EPB41: variants seen among roughly 807,000 people sequenced by gnomAD.
The protein encoded by EPB41 is erythrocyte membrane protein band 4.1, also known as protein 4.1.
Under a neutral mutation model 108.0 loss-of-function variants are expected in EPB41, and 65 were observed. The observed-to-expected ratio is 0.60, with a 90% confidence interval of 0.49 to 0.74. The LOEUF (loss-of-function observed/expected upper bound fraction) is 0.74. Ranked by LOEUF, EPB41 falls within the 30% of genes least tolerant of loss-of-function variation. EPB41 has a pLI of 0.00. For missense variants in EPB41, 875 were observed against 1,037.0 expected (o/e 0.84, Z 2.15); for synonymous variants, 336 against 358.9 (o/e 0.94, Z 0.72).
At chr1:29,060,395 C>T in intron 14 of EPB41, 27 bp from the exon 15 acceptor site, 1 of 1,606,594 alleles carries the variant, frequency 6.2e-7, no homozygotes, top group Non-Finnish European at 8.5e-7. Context: ...TTATGCTTTT[C>T]TGTTTTCCCC....
intron 12 of EPB41, among the ~76,000 whole-genome samples, chr1:29,056,783 C>T (rs554829118): frequency 2.6e-5 from 4 of 151,634 alleles, no homozygotes; most frequent in Admixed American, 2.6e-4. Flanking sequence ...ACCTCGGCCT[C>T]CCAAAGTGCT....
At chr1:28,968,186 GTC>G (rs1236114234) in intron 1 of EPB41, among the ~76,000 whole-genome samples, 1 of 151,826 alleles carries the variant, frequency 6.6e-6, no homozygotes, top group Non-Finnish European at 1.5e-5. Context: ...GTGAAACCCT[GTC>G]TCTACTAAAA....
At chr1:29,065,272 C>T (rs1252653862) in intron 16 of EPB41, 114 bp downstream of exon 16, 1 of 1,415,652 alleles carries the variant, frequency 7.1e-7, no homozygotes, top group African/African-American at 1.4e-5. Flanking sequence ...TTTGGTGCCT[C>T]ACTATATTCA....
chr1:29,038,696 T>C (rs1640399724), intron 10 of EPB41, among the ~76,000 whole-genome samples: 1 of 152,206 alleles, frequency 6.6e-6, no homozygotes, highest in South Asian at 2.1e-4. Flanking sequence ...ATAGATTGTT[T>C]TAATTCAGTA....
At chr1:28,972,745 T>C (rs1049452067) in intron 1 of EPB41, among the ~76,000 whole-genome samples, 2 of 149,222 alleles carry the variant, frequency 1.3e-5, no homozygotes, top group Non-Finnish European at 2.9e-5. Context: ...GACTACAGGC[T>C]CATGAAACTA....
chr1:29,081,213 A>T (rs1027913094), intron 16 of EPB41, among the ~76,000 whole-genome samples: 3 of 152,210 alleles, frequency 2.0e-5, no homozygotes, highest in African/African-American at 7.2e-5. Flanking sequence ...TTTAAAAATA[A>T]TTTTTTTCTA....
intron 4 of EPB41, among the ~76,000 whole-genome samples, chr1:29,010,206 G>T (rs1016345841): frequency 6.6e-6 from 1 of 152,176 alleles, no homozygotes; most frequent in Non-Finnish European, 1.5e-5. Context: ...AGGCATGGTG[G>T]TGGTTGCCTG....
intron 1 of EPB41, among the ~76,000 whole-genome samples, chr1:28,949,162 GGCC>G (rs1430368636): frequency 6.6e-6 from 1 of 151,994 alleles, no homozygotes; most frequent in African/African-American, 2.4e-5. Context: ...AATAATTTTA[GGCC>G]AGCCTTGGTG....
chr1:29,062,783 T>C (rs1646780135), intron 15 of EPB41, among the ~76,000 whole-genome samples: 1 of 151,748 alleles, frequency 6.6e-6, no homozygotes, highest in South Asian at 2.1e-4. Flanking sequence ...AGAGAGAACC[T>C]GTAGCAAGTT....
At chr1:29,013,314 A>T (rs975547880) in intron 5 of EPB41, among the ~76,000 whole-genome samples, 2 of 147,262 alleles carry the variant, frequency 1.4e-5, no homozygotes, top group African/African-American at 5.2e-5. Context: ...ACAGAGCAAG[A>T]CTCCATCTCA....
chr1:29,047,544 G>C (rs188485465), intron 11 of EPB41, among the ~76,000 whole-genome samples: 1 of 151,248 alleles, frequency 6.6e-6, no homozygotes, highest in Non-Finnish European at 1.5e-5. Flanking sequence ...GTGAGTCATC[G>C]CACCTGGCCT....
chr1:29,119,035 G>C lies in EPB41; in HGVS notation c.*2223G>C, dbSNP rs1376946583. ...TATTCCGTGTGATCTAGAACAGTGT[G>C]GCAGCTTTCACAGCACAGGACCGTT... On this transcript the variant is annotated 3_prime_UTR_variant, in exon 21 of 21. Coordinates refer to ENST00000343067, the MANE Select transcript of EPB41 (RefSeq NM_001376013.1). 6.6e-6 allele frequency: 1 copy of C among 152,244 alleles called. No homozygotes were observed. Among genetic ancestry groups the C allele is most frequent in the African/African-American group, 2.4e-5 (1 of 41,440 alleles). The allele number at this position is 152,244 out of a possible 1,614,324, so 9.4% of individuals were successfully genotyped here. A position where few individuals can be genotyped will look rare whatever the true frequency, so the allele number is the denominator to read the frequency against.
At chr1:29,032,234 G>C (rs373576656) in intron 8 of EPB41, among the ~76,000 whole-genome samples, 6 of 152,212 alleles carry the variant, frequency 3.9e-5, no homozygotes, top group African/African-American at 1.4e-4. Context: ...GAAATGGTTA[G>C]ATTTTGCTTC....
chr1:29,068,784 G>A, intron 16 of EPB41: 2 of 1,232,156 alleles, frequency 1.6e-6, no homozygotes, highest in Middle Eastern at 3.1e-4. Flanking sequence ...TGGGCCAGAG[G>A]TAAAGCTGCT....
At chr1:28,918,071 G>A (rs1297250532) in intron 1 of EPB41, among the ~76,000 whole-genome samples, 1 of 152,162 alleles carries the variant, frequency 6.6e-6, no homozygotes, top group Non-Finnish European at 1.5e-5. Context: ...ATCAAGAGGA[G>A]CATAGATGTA....
intron 2 of EPB41, chr1:28,989,473 A>T (rs1305733624): frequency 2.6e-6 from 2 of 781,588 alleles, no homozygotes; most frequent in South Asian, 5.8e-5. Flanking sequence ...TTGGGGGGAA[A>T]AAAGTAAAAG....
intron 11 of EPB41, among the ~76,000 whole-genome samples, chr1:29,046,259 G>C (rs1643186232): frequency 6.6e-6 from 1 of 151,742 alleles, no homozygotes; most frequent in Non-Finnish European, 1.5e-5. Flanking sequence ...TGAGTAGCTG[G>C]GATTACAGGT....
At chr1:28,970,404 T>C (rs890120503) in intron 1 of EPB41, among the ~76,000 whole-genome samples, 1 of 152,232 alleles carries the variant, frequency 6.6e-6, no homozygotes, top group African/African-American at 2.4e-5. Flanking sequence ...TAGATTGAGT[T>C]GGCTCTAAGA....
chr1:28,976,590 G>A (rs1341959261), intron 1 of EPB41, among the ~76,000 whole-genome samples: 1 of 152,110 alleles, frequency 6.6e-6, no homozygotes, highest in Non-Finnish European at 1.5e-5. Context: ...CTGGGCTCAA[G>A]CTATCCTCCT....
Sources: allele counts gnomAD v4.1 joint callset (sites outside exome capture counted in the v4.1 genomes callset), GRCh38; gene constraint gnomAD v4.1.1; transcripts MANE v1.5; gene names NCBI Gene and HGNC (gene_info 2026-07-23, HGNC 2026-07-21).